The following FKBP5 variants were observed in gnomAD, a reference collection of about 807,000 sequenced individuals.
FKBP5 encodes FKBP prolyl isomerase 5.
In FKBP5, 23 loss-of-function variants were observed where a neutral mutation model predicts 50.5. The observed-to-expected ratio is 0.46, with a 90% CI of 0.33 to 0.65. The LOEUF (loss-of-function observed/expected upper bound fraction) is 0.65. FKBP5 is among the 30% of genes least tolerant of loss of function. FKBP5 has a pLI of 0.02. For synonymous variants in FKBP5, 176 were observed against 190.6 expected (o/e 0.92, Z 0.63); for missense variants, 411 against 553.1 (o/e 0.74, Z 2.58).
intron 1 of FKBP5, among the ~76,000 whole-genome samples, chr6:35,653,717 T>C (rs1274379943): frequency 6.6e-6 from 1 of 152,128 alleles, no homozygotes; most frequent in Non-Finnish European, 1.5e-5. Flanking sequence ...AATTTTGAAG[T>C]CTTCATCAGT....
intron 8 of FKBP5, chr6:35,582,422 C>T (rs1013354403): frequency 2.4e-5 from 12 of 502,934 alleles, no homozygotes; most frequent in Non-Finnish European, 3.1e-5. Context: ...AGGGTGGGGC[C>T]TCATGATGGG....
chr6:35,648,906 G>A (rs1443651312), intron 1 of FKBP5, among the ~76,000 whole-genome samples: 1 of 151,938 alleles, frequency 6.6e-6, no homozygotes, highest in African/African-American at 2.4e-5. Flanking sequence ...CGGAGATTGT[G>A]CCATTGCACT....
rs535245574 is a variant in FKBP5 at position 35,588,048 on chromosome 6, G to T, written c.757-931C>A. ...ATTATTATTATTTTTTTTTTGAGAC[G>T]GAGTTTCGCTCTTGTTGTCCAGGCT... On this transcript the variant is annotated intron_variant, in intron 7 of 10. Transcript: ENST00000357266. Among the ~76,000 whole-genome samples, 4 of 149,358 alleles carry T rather than the reference G, an allele frequency of 2.7e-5. No individual in the cohort carries two copies. In the South Asian group the frequency reaches 8.4e-4, roughly 31 times the overall value.
intron 8 of FKBP5, chr6:35,581,799 A>G (rs1762440571): frequency 1.9e-5 from 19 of 985,340 alleles, no homozygotes; most frequent in Non-Finnish European, 2.3e-5. Context: ...GAGCAGCCAG[A>G]CCTATTAGGA....
intron 8 of FKBP5, chr6:35,581,267 CATATATAATATATATATA>C (rs2150952338): frequency 2.2e-6 from 1 of 457,294 alleles, no homozygotes; most frequent in African/African-American, 2.1e-5. Context: ...TAAATATAAA[CATATATAATATATATATA>C]ATATATATAT....
intron 1 of FKBP5, among the ~76,000 whole-genome samples, chr6:35,658,235 C>T (rs1198271113): frequency 3.3e-5 from 5 of 151,988 alleles, no homozygotes; most frequent in Admixed American, 2.0e-4. Flanking sequence ...ATTAACCGGG[C>T]GTGGTGGCGG....
At chr6:35,693,677 C>A (rs1159954692), upstream of FKBP5, among the ~76,000 whole-genome samples, 1 of 152,120 alleles carries the variant, frequency 6.6e-6, no homozygotes, top group African/African-American at 2.4e-5. Context: ...CATGCCACCA[C>A]GCCCAGCTAA....
At chr6:35,635,229 G>C (rs1336406183) in intron 3 of FKBP5, among the ~76,000 whole-genome samples, 1 of 152,058 alleles carries the variant, frequency 6.6e-6, no homozygotes, top group Non-Finnish European at 1.5e-5. Context: ...CAGCTACTTG[G>C]GGGGCTTAGG....
intron 1 of FKBP5, among the ~76,000 whole-genome samples, chr6:35,668,040 T>A (rs1295147061): frequency 1.3e-5 from 2 of 152,160 alleles, no homozygotes; most frequent in Non-Finnish European, 1.5e-5. Context: ...GGGAAAAAAA[T>A]TATAGGAAAT....
At chr6:35,583,177 G>T in intron 8 of FKBP5, 1 of 985,398 alleles carries the variant, frequency 1.0e-6, no homozygotes, top group Non-Finnish European at 1.2e-6. Flanking sequence ...TCACTGAGAT[G>T]AGATAGGAAG....
chr6:35,624,769 A>G (rs1190794016), intron 3 of FKBP5, among the ~76,000 whole-genome samples: 1 of 152,160 alleles, frequency 6.6e-6, no homozygotes, highest in Non-Finnish European at 1.5e-5. Flanking sequence ...CAAGTCCTAT[A>G]AAATATTCCT....
At chr6:35,619,519 T>C (rs1400747125) in intron 4 of FKBP5, among the ~76,000 whole-genome samples, 1 of 152,184 alleles carries the variant, frequency 6.6e-6, no homozygotes, top group East Asian at 1.9e-4. Flanking sequence ...AAGGTGCTGG[T>C]GTAGAACTAT....
intron 5 of FKBP5, among the ~76,000 whole-genome samples, chr6:35,617,403 G>A (rs1005287768): frequency 8.6e-5 from 13 of 151,728 alleles, no homozygotes; most frequent in Admixed American, 3.3e-4. Context: ...ACCATAGCAC[G>A]CTATAGCCTC....
chr6:35,678,473 G>A (rs528822525), intron 1 of FKBP5, among the ~76,000 whole-genome samples: 1 of 152,138 alleles, frequency 6.6e-6, no homozygotes, highest in African/African-American at 2.4e-5. Flanking sequence ...GCATTCCTAA[G>A]ATATTACACT....
chr6:35,633,572 C>T (rs1364378424), intron 3 of FKBP5, among the ~76,000 whole-genome samples: 4 of 149,024 alleles, frequency 2.7e-5, no homozygotes, highest in African/African-American at 9.9e-5. Flanking sequence ...AAAAAAAAAA[C>T]CCCACAAAAC....
At chr6:35,596,930 GA>G (rs1435074278) in intron 6 of FKBP5, among the ~76,000 whole-genome samples, 1 of 152,156 alleles carries the variant, frequency 6.6e-6, no homozygotes, top group East Asian at 1.9e-4. Context: ...GAAAAGGGAA[GA>G]GGGGGTAAGA....
chr6:35,592,314 T>C (rs1762846220), intron 6 of FKBP5, among the ~76,000 whole-genome samples: 1 of 152,214 alleles, frequency 6.6e-6, no homozygotes, highest in Admixed American at 6.5e-5. Flanking sequence ...TGCACCACTT[T>C]CTTTACCCTT....
intron 9 of FKBP5, 136 bp from the exon 10 acceptor site, chr6:35,577,369 T>C (rs1762253480): frequency 1.5e-6 from 1 of 683,722 alleles, no homozygotes; most frequent in African/African-American, 1.8e-5. Flanking sequence ...TACATACTAC[T>C]GATCAAAATT....
At chr6:35,671,367 T>C (rs1765384720) in intron 1 of FKBP5, among the ~76,000 whole-genome samples, 1 of 151,654 alleles carries the variant, frequency 6.6e-6, no homozygotes, top group Non-Finnish European at 1.5e-5. Flanking sequence ...TATCATGAAT[T>C]ACAGAAAATC....
Sources: allele counts gnomAD v4.1 joint callset (sites outside exome capture counted in the v4.1 genomes callset), GRCh38; gene constraint gnomAD v4.1.1; transcripts MANE v1.5; gene names NCBI Gene and HGNC (gene_info 2026-07-23, HGNC 2026-07-21).